TLK2: variants seen among roughly 807,000 people sequenced by gnomAD.
TLK2 encodes the protein serine/threonine-protein kinase tousled-like 2.
In TLK2, 6 loss-of-function variants were observed where a neutral mutation model predicts 117.3. That is an observed-to-expected ratio of 0.05 (90% CI 0.03 to 0.10). The LOEUF (loss-of-function observed/expected upper bound fraction) is 0.10, where lower values mean the gene tolerates loss of function less well. TLK2 is among the 10% of genes least tolerant of loss of function. TLK2 has a pLI of 1.00. For missense variants in TLK2, 299 were observed against 901.2 expected (o/e 0.33, Z 8.56); for synonymous variants, 257 against 316.7 (o/e 0.81, Z 2.00).
intron 9 of TLK2, 97 bp from the exon 10 acceptor site, chr17:62,559,919 A>G (rs2079133688): frequency 2.5e-6 from 2 of 807,650 alleles, no homozygotes; most frequent in Non-Finnish European, 3.7e-6. Flanking sequence ...TTTTGATAAA[A>G]CAACATATAG....
At chr17:62,580,637 G>A (rs1409882818) in intron 15 of TLK2, among the ~76,000 whole-genome samples, 1 of 152,114 alleles carries the variant, frequency 6.6e-6, no homozygotes, top group East Asian at 1.9e-4. Context: ...ACTAGCACTG[G>A]CAGTCTGAAA....
intron 11 of TLK2, among the ~76,000 whole-genome samples, chr17:62,566,563 G>A (rs538027891): frequency 1.2e-4 from 19 of 152,218 alleles, no homozygotes; most frequent in Middle Eastern, 3.4e-3. Flanking sequence ...TTCTTAGGCC[G>A]GCACCAGACA....
At chr17:62,513,648 T>TA (rs968441774) in intron 2 of TLK2, among the ~76,000 whole-genome samples, 4 of 152,148 alleles carry the variant, frequency 2.6e-5, no homozygotes, top group Admixed American at 6.6e-5. Flanking sequence ...TATACTTTTG[T>TA]AAAAAATCAG....
intron 16 of TLK2, among the ~76,000 whole-genome samples, chr17:62,586,682 G>A (rs1188234125): frequency 3.9e-5 from 6 of 151,978 alleles, no homozygotes; most frequent in East Asian, 1.9e-4. Context: ...TTAGTTGGGC[G>A]TGGTGGCAGG....
chr17:62,485,389 T>C (rs2072218341), intron 2 of TLK2, among the ~76,000 whole-genome samples: 1 of 152,230 alleles, frequency 6.6e-6, no homozygotes, highest in Non-Finnish European at 1.5e-5. Flanking sequence ...AAATTAGATA[T>C]ACACTCCATT....
At chr17:62,500,128 G>A (rs2074066820) in intron 2 of TLK2, among the ~76,000 whole-genome samples, 1 of 151,696 alleles carries the variant, frequency 6.6e-6, no homozygotes, top group Non-Finnish European at 1.5e-5. Flanking sequence ...GGAGTGCAGT[G>A]GTATGATCAT....
chr17:62,588,873 T>C (rs1182664059), intron 16 of TLK2, among the ~76,000 whole-genome samples: 1 of 152,194 alleles, frequency 6.6e-6, no homozygotes, highest in African/African-American at 2.4e-5. Flanking sequence ...GATGAGTGCT[T>C]TAAAAATTCA....
At chr17:62,563,206 TC>T (rs1282394992) in intron 10 of TLK2, among the ~76,000 whole-genome samples, 3 of 152,166 alleles carry the variant, frequency 2.0e-5, no homozygotes, top group Non-Finnish European at 4.4e-5. Flanking sequence ...GGGTTAACAG[TC>T]TACATGAGGG....
At position 62,614,838 on chromosome 17, in the gene TLK2, G is replaced by A. The variant is rs1335393335; in HGVS notation, c.*2273G>A. The A allele has an allele frequency of 6.6e-6, 1 of 152,224 alleles. No individual in the cohort carries two copies. Among genetic ancestry groups the A allele is most frequent in the Admixed American group, 6.5e-5 (1 of 15,290 alleles). The allele number at this position is 152,224 out of a possible 1,614,324, so 9.4% of individuals were successfully genotyped here. On this transcript the variant is annotated 3_prime_UTR_variant, in exon 22 of 22. Coordinates refer to ENST00000346027, the MANE Select transcript of TLK2 (RefSeq NM_006852.6). ...CACAGGTCGAGCACAGTGCTGAGAG[G>A]ATGGTGTCTGCATAATGAAGACATG...
intron 7 of TLK2, among the ~76,000 whole-genome samples, chr17:62,544,171 G>A (rs2077737245): frequency 6.6e-6 from 1 of 152,108 alleles, no homozygotes; most frequent in African/African-American, 2.4e-5. Flanking sequence ...CTCTAAATCT[G>A]CTCCATCTAT....
chr17:62,610,136 T>C (rs1174546050), intron 21 of TLK2, among the ~76,000 whole-genome samples: 1 of 152,242 alleles, frequency 6.6e-6, no homozygotes, highest in Admixed American at 6.5e-5. Flanking sequence ...ATAACTTTTG[T>C]CAAATTTTCA....
At chr17:62,546,719 C>T (rs2077975767) in intron 7 of TLK2, among the ~76,000 whole-genome samples, 1 of 151,624 alleles carries the variant, frequency 6.6e-6, no homozygotes, top group Non-Finnish European at 1.5e-5. Flanking sequence ...CCACACCCAG[C>T]TAATTTTTAA....
chr17:62,480,729 T>A (rs2071543005), intron 1 of TLK2, among the ~76,000 whole-genome samples: 1 of 152,238 alleles, frequency 6.6e-6, no homozygotes, highest in African/African-American at 2.4e-5. Context: ...GAGTGGGAAA[T>A]AAATATCTGA....
intron 17 of TLK2, among the ~76,000 whole-genome samples, chr17:62,598,748 C>G (rs1256519501): frequency 2.0e-5 from 3 of 151,978 alleles, no homozygotes; most frequent in African/African-American, 7.3e-5. Flanking sequence ...TGGTCTTGAA[C>G]TCTTGACCTT....
Position 62,612,758 on chromosome 17 carries a change from C to T in TLK2, c.*193C>T, listed in dbSNP as rs1346908521. ...ATTGAGGAGAAACCTTGGGCAGCTCCGGCCAGGCCTTGTAGGAAAAGGCCC... is the reference window on the plus strand; with the variant it reads ...ATTGAGGAGAAACCTTGGGCAGCTCTGGCCAGGCCTTGTAGGAAAAGGCCC... On this transcript the variant is annotated 3_prime_UTR_variant, in exon 22 of 22. Transcript: ENST00000346027. 8 of 450,906 alleles carry T rather than the reference C, an allele frequency of 1.8e-5. No individual in the cohort carries two copies. Among genetic ancestry groups the T allele is most frequent in the Admixed American group, 1.3e-4 (3 of 23,272 alleles). The allele number at this position is 450,906 out of a possible 1,614,324, so 27.9% of individuals were successfully genotyped here.
At chr17:62,535,790 AAG>A (rs957375807) in intron 6 of TLK2, among the ~76,000 whole-genome samples, 1 of 150,988 alleles carries the variant, frequency 6.6e-6, no homozygotes, top group Non-Finnish European at 1.5e-5. Context: ...AAAAAGAAAA[AAG>A]AAAAAAGAAA....
chr17:62,555,527 G>C (rs1165682339), intron 9 of TLK2, among the ~76,000 whole-genome samples: 2 of 148,764 alleles, frequency 1.3e-5, no homozygotes, highest in East Asian at 3.9e-4. Flanking sequence ...CTGTCGCCCA[G>C]GCTGAAGTGC....
chr17:62,501,480 C>T (rs1447860549), intron 2 of TLK2, among the ~76,000 whole-genome samples: 1 of 152,068 alleles, frequency 6.6e-6, no homozygotes, highest in Non-Finnish European at 1.5e-5. Flanking sequence ...CTCCTGTAAT[C>T]CCAGCACTGT....
chr17:62,593,252 G>A (rs2082209785), intron 16 of TLK2, among the ~76,000 whole-genome samples: 1 of 152,210 alleles, frequency 6.6e-6, no homozygotes, highest in African/African-American at 2.4e-5. Flanking sequence ...AAAACTGGAA[G>A]TTGTTCTGGG....
Sources: gnomAD v4.1 joint callset for allele counts (sites outside exome capture counted in the v4.1 genomes callset) on GRCh38, gnomAD v4.1.1 for gene constraint, MANE v1.5 for transcripts, NCBI Gene and HGNC (gene_info 2026-07-23, HGNC 2026-07-21) for gene names.